ADK: variants seen among roughly 807,000 people sequenced by gnomAD.
ADK encodes N6,N6-dimethyladenosine kinase.
ADK carries 24 observed loss-of-function variants against 44.7 expected under a neutral mutation model. The observed-to-expected ratio is 0.54, with a 90% CI of 0.39 to 0.76. The LOEUF (loss-of-function observed/expected upper bound fraction) is 0.76, where lower values mean the gene tolerates loss of function less well. Among genes scored for constraint, ADK ranks in the 30% least tolerant of loss-of-function variants. ADK has a pLI of 0.00. For synonymous variants in ADK, 128 were observed against 142.6 expected, an observed-to-expected ratio of 0.90 and a Z score of 0.73; for missense variants, 321 against 425.1, an observed-to-expected ratio of 0.76 and a Z score of 2.15.
chr10:74,492,695 A>C (rs1240150039), intron 6 of ADK, among the ~76,000 whole-genome samples: 1 of 152,142 alleles, frequency 6.6e-6, no homozygotes, highest in Non-Finnish European at 1.5e-5. Context: ...CTTATTTTGT[A>C]GAATGTACCT....
rs375110244 is a variant in ADK at position 74,301,393 on chromosome 10, A to G, written c.195-13274A>G. ...GCTGGGCGTGGTGGCGTGCGCCTGT[A>G]GTCTCAGCTTCTCGGGAGGCTAAGA... On this transcript the variant is annotated intron_variant, in intron 3 of 10. Transcript: ENST00000539909. 2.5e-3 allele frequency among the ~76,000 whole-genome samples: 376 copies of G among 151,836 alleles called. 3 individuals are homozygous for G. In the South Asian group the frequency reaches 0.028, roughly 11 times the overall value.
chr10:74,653,501 C>T (rs577336421), intron 9 of ADK, among the ~76,000 whole-genome samples: 38 of 150,938 alleles, frequency 2.5e-4, no homozygotes, highest in African/African-American at 8.6e-4. Context: ...TAAAATATTT[C>T]TGCAACTTTT....
chr10:74,292,726 CACT>C (rs1227463543), intron 3 of ADK, among the ~76,000 whole-genome samples: 2 of 151,926 alleles, frequency 1.3e-5, no homozygotes, highest in East Asian at 3.9e-4. Context: ...ATACTGGCAC[CACT>C]TGTGAAATAT....
intron 6 of ADK, among the ~76,000 whole-genome samples, chr10:74,415,539 T>C (rs1844340338): frequency 6.6e-6 from 1 of 152,192 alleles, no homozygotes; most frequent in African/African-American, 2.4e-5. Context: ...TTACCCCACA[T>C]GTTCTGTTGT....
At chr10:74,574,385 G>A (rs1589262362) in intron 7 of ADK, among the ~76,000 whole-genome samples, 1 of 152,046 alleles carries the variant, frequency 6.6e-6, no homozygotes, top group Non-Finnish European at 1.5e-5. Context: ...TGGCCAGGAT[G>A]GTCTCGCTCT....
At chr10:74,318,088 T>C (rs889134808) in intron 4 of ADK, among the ~76,000 whole-genome samples, 3 of 152,126 alleles carry the variant, frequency 2.0e-5, no homozygotes, top group African/African-American at 4.8e-5. Context: ...CCTGTTTCTG[T>C]TTTTGAAGAG....
At chr10:74,460,323 C>T (rs1846125766) in intron 6 of ADK, among the ~76,000 whole-genome samples, 1 of 152,130 alleles carries the variant, frequency 6.6e-6, no homozygotes, top group South Asian at 2.1e-4. Flanking sequence ...CACAAATTAT[C>T]TTCATTTGGG....
chr10:74,620,486 T>A (rs567956932), intron 9 of ADK, among the ~76,000 whole-genome samples: 24 of 152,382 alleles, frequency 1.6e-4, no homozygotes, highest in Admixed American at 1.5e-3. Flanking sequence ...CGATCATGTA[T>A]ATATACCACA....
intron 3 of ADK, among the ~76,000 whole-genome samples, chr10:74,303,300 G>A (rs1489530703): frequency 3.3e-5 from 5 of 151,906 alleles, no homozygotes; most frequent in African/African-American, 9.7e-5. Flanking sequence ...TCCTTTTATG[G>A]AATATTTTGT....
chr10:74,362,369 AT>A (rs60747949), intron 4 of ADK, among the ~76,000 whole-genome samples: 96,827 of 148,356 alleles, frequency 0.65, 32,447 homozygotes, highest in Middle Eastern at 0.8. Flanking sequence ...CGCTTCATTA[AT>A]TTTTTTTTTT....
chr10:74,224,550 A>G lies in ADK; in HGVS notation c.153A>G (p.Lys51=). 1 of 1,613,700 alleles carries G rather than the reference A, an allele frequency of 6.2e-7. No homozygotes were observed. The highest frequency in any genetic ancestry group is 8.5e-7 in the Non-Finnish European group (1 of 1,179,740). Residue 51 remains lysine, a synonymous_variant, in exon 3 of 11, where the codon AAA becomes AAG. Coordinates refer to ENST00000539909, the MANE Select transcript of ADK (RefSeq NM_006721.4). ...DKDFLDKYSL[K]PNDQILAEDK... ...TTCTGTTATACAGGTATTCTCTGAA[A>G]CCAAATGACCAAATCTTGGCTGAAG...
chr10:74,232,538 A>AGCCC (rs1844805599), intron 3 of ADK, among the ~76,000 whole-genome samples: 1 of 46,804 alleles, frequency 2.1e-5, no homozygotes, highest in Admixed American at 2.4e-4. Context: ...CAAACAAACA[A>AGCCC]CCCCCCCGCA....
intron 3 of ADK, among the ~76,000 whole-genome samples, chr10:74,302,101 GTTTGTTTGTTTTTTT>G (rs1840063740): frequency 8.5e-5 from 1 of 11,708 alleles, no homozygotes; most frequent in African/African-American, 2.8e-4. Flanking sequence ...TTTTTTTTTT[GTTTGTTTGTTTTTTT>G]TTTTTTTTTT....
At chr10:74,563,142 A>G (rs1354689333) in intron 7 of ADK, among the ~76,000 whole-genome samples, 2 of 152,116 alleles carry the variant, frequency 1.3e-5, no homozygotes, top group Non-Finnish European at 2.9e-5. Context: ...GCACAACTAC[A>G]TCCTTGAATT....
chr10:74,510,226 AT>A (rs1039677243), intron 6 of ADK, among the ~76,000 whole-genome samples: 2 of 150,598 alleles, frequency 1.3e-5, no homozygotes, highest in Non-Finnish European at 3.0e-5. Context: ...CCTCACCAAC[AT>A]TTTTTTTTCT....
intron 6 of ADK, among the ~76,000 whole-genome samples, chr10:74,416,408 A>AT (rs1432669835): frequency 2.0e-5 from 3 of 152,070 alleles, no homozygotes; most frequent in Admixed American, 6.6e-5. Flanking sequence ...GCACATTCAT[A>AT]TTAACTAACA....
At chr10:74,522,978 G>A (rs975364323) in intron 6 of ADK, among the ~76,000 whole-genome samples, 5 of 144,654 alleles carry the variant, frequency 3.5e-5, no homozygotes, top group Admixed American at 1.4e-4. Flanking sequence ...ACCCTTCCCC[G>A]CAAAAAAGCG....
At chr10:74,597,293 A>T (rs574349417) in intron 8 of ADK, among the ~76,000 whole-genome samples, 1 of 152,264 alleles carries the variant, frequency 6.6e-6, no homozygotes, top group Non-Finnish European at 1.5e-5. Context: ...TTACAAAAAT[A>T]GTACAGAATT....
At chr10:74,577,261 A>G (rs981191364) in intron 7 of ADK, among the ~76,000 whole-genome samples, 5 of 151,782 alleles carry the variant, frequency 3.3e-5, no homozygotes, top group Non-Finnish European at 7.4e-5. Context: ...AGAGACCTGT[A>G]TTGATTATTT....
Sources: allele counts gnomAD v4.1 joint callset (sites outside exome capture counted in the v4.1 genomes callset), GRCh38; gene constraint gnomAD v4.1.1; transcripts MANE v1.5; gene names NCBI Gene and HGNC (gene_info 2026-07-23, HGNC 2026-07-21).